DOCK5: variants seen among roughly 807,000 people sequenced by gnomAD.
DOCK5 encodes dedicator of cytokinesis 5.
DOCK5 carries 142 observed loss-of-function variants against 251.8 expected under a neutral mutation model. That is an observed-to-expected ratio of 0.56 (90% CI 0.49 to 0.65). The LOEUF is 0.65. Ranked by LOEUF, DOCK5 falls within the 30% of genes least tolerant of loss-of-function variation. The probability of loss-of-function intolerance (pLI) is 0.00; values close to 1 mark genes in which losing one functional copy is unlikely to be tolerated. For synonymous variants in DOCK5, 842 were observed against 835.5 expected, an observed-to-expected ratio of 1.01 and a Z score of -0.13; for missense variants, 2,111 against 2,312.3, an observed-to-expected ratio of 0.91 and a Z score of 1.79.
chr8:25,197,550 C>G (rs1801759129), intron 1 of DOCK5, among the ~76,000 whole-genome samples: 1 of 149,360 alleles, frequency 6.7e-6, no homozygotes, highest in African/African-American at 2.5e-5. Flanking sequence ...CAAAGATGCC[C>G]TCTCTTTAAG....
chr8:25,265,888 A>G (rs374801909), intron 2 of DOCK5, among the ~76,000 whole-genome samples: 1 of 151,766 alleles, frequency 6.6e-6, no homozygotes, highest in East Asian at 1.9e-4. Flanking sequence ...GGAATTAGCA[A>G]CTCTCTGTTA....
At position 25,377,287 on chromosome 8, in the gene DOCK5, G is replaced by A. The variant is rs201905488; in HGVS notation, c.3817-18G>A. The A allele has an allele frequency of 7.1e-5, 113 of 1,599,828 alleles. No homozygotes were observed. In the Middle Eastern group the frequency reaches 8.4e-4, roughly 12 times the overall value. ...ATATTTGTTGTATTAACCGTGTGTC[G>A]CTTTTCTTCCTTTTCAGTGGTCTGA... On this transcript the variant is annotated intron_variant, in intron 37 of 51. Transcript: ENST00000276440.
At chr8:25,218,457 T>G (rs551871020) in intron 1 of DOCK5, among the ~76,000 whole-genome samples, 1 of 152,308 alleles carries the variant, frequency 6.6e-6, no homozygotes, top group South Asian at 2.1e-4. Flanking sequence ...CCATAGTGCC[T>G]CTGTGTGGTG....
Position 25,326,929 on chromosome 8 carries a change from C to T in DOCK5, c.1903+1382C>T, listed in dbSNP as rs146604896. On this transcript the variant is annotated intron_variant, in intron 18 of 51. Transcript: ENST00000276440. ...GTATTTCAAAACATAGTGAAGGACA[C>T]GGTGAACTTTTTAACACTATATACA... is the stretch of plus-strand genomic sequence containing the variant. Among the ~76,000 whole-genome samples the T allele has an allele frequency of 2.1e-3, 314 of 152,272 alleles. 1 individual carries two copies. Among genetic ancestry groups the T allele is most frequent in the African/African-American group, 7.3e-3 (303 of 41,552 alleles).
At position 25,359,070 on chromosome 8, in the gene DOCK5, C is replaced by T; in HGVS notation, c.2949+9C>T. 1 of 1,610,894 alleles carries T rather than the reference C, an allele frequency of 6.2e-7. No individual in the cohort carries two copies. The highest frequency in any genetic ancestry group is 1.3e-5 in the African/African-American group (1 of 74,964). ...CCAGACAAGACATCATCGTAAGTTG[C>T]CTTTACTGGTCCTGGTAACCTGAAG... On this transcript the variant is annotated intron_variant, in intron 28 of 51. Coordinates refer to ENST00000276440, the MANE Select transcript of DOCK5 (RefSeq NM_024940.8).
intron 1 of DOCK5, among the ~76,000 whole-genome samples, chr8:25,207,034 G>A (rs552862295): frequency 3.3e-5 from 5 of 152,340 alleles, no homozygotes; most frequent in Admixed American, 2.6e-4. Flanking sequence ...GGCAATTTGA[G>A]TGAGTCTCTG....
At chr8:25,333,680 G>T (rs1805733849) in intron 20 of DOCK5, among the ~76,000 whole-genome samples, 1 of 152,210 alleles carries the variant, frequency 6.6e-6, no homozygotes, top group Non-Finnish European at 1.5e-5. Flanking sequence ...CTCTGGTGCA[G>T]TTGTTACTGG....
At chr8:25,284,797 C>CA (rs1804290636) in intron 5 of DOCK5, among the ~76,000 whole-genome samples, 2 of 152,196 alleles carry the variant, frequency 1.3e-5, no homozygotes, top group South Asian at 4.1e-4. Context: ...CATCTCAAGT[C>CA]AAAGGATCAT....
chr8:25,375,871 G>A (rs1382474923), intron 37 of DOCK5: 3 of 941,230 alleles, frequency 3.2e-6, no homozygotes, highest in Non-Finnish European at 3.8e-6. Context: ...GCTGAGGCCA[G>A]CAGATCACTT....
intron 25 of DOCK5, among the ~76,000 whole-genome samples, chr8:25,344,090 G>A (rs770189607): frequency 1.1e-4 from 16 of 152,290 alleles, no homozygotes; most frequent in African/African-American, 2.4e-4. Flanking sequence ...TTATAGGCAT[G>A]AGCCACTGCA....
Position 25,382,721 on chromosome 8 carries a change from T to C in DOCK5, c.4074T>C (p.Pro1358=). 1 of 1,613,740 alleles carries C rather than the reference T, an allele frequency of 6.2e-7. No homozygotes were observed. Among genetic ancestry groups the C allele is most frequent in the East Asian group, 2.2e-5 (1 of 44,878 alleles). Residue 1358 remains proline (P), a synonymous_variant, in exon 40 of 52, where the codon CCT becomes CCC. Coordinates refer to ENST00000276440, the MANE Select transcript of DOCK5 (RefSeq NM_024940.8). ...AGAACATCATTAAGGCAATGAGGCC[T>C]CAGCCTGAATACTTTGCTGTTGGAT... ...FYENIIKAMR[P]QPEYFAVGYY... is the part of the protein sequence containing the mutation.
chr8:25,343,701 C>G (rs1800306165), intron 25 of DOCK5, among the ~76,000 whole-genome samples: 2 of 152,242 alleles, frequency 1.3e-5, no homozygotes, highest in African/African-American at 4.8e-5. Context: ...ACATGCATCC[C>G]TTCTCAACCC....
chr8:25,302,569 A>G (rs2709637), intron 10 of DOCK5, 115 bp downstream of exon 10: 1,086,710 of 1,345,914 alleles, frequency 0.81, 443,253 homozygotes, highest in Non-Finnish European at 0.84. Flanking sequence ...GCCCTGCTTC[A>G]AAACAATCAA....
chr8:25,392,028 G>T, intron 43 of DOCK5, 48 bp downstream of exon 43: 1 of 1,566,798 alleles, frequency 6.4e-7, no homozygotes. Flanking sequence ...AACGGGCTGA[G>T]CACGGTGGCT....
intron 1 of DOCK5, among the ~76,000 whole-genome samples, chr8:25,213,276 C>G (rs1217841773): frequency 6.6e-6 from 1 of 150,532 alleles, no homozygotes; most frequent in African/African-American, 2.5e-5. Context: ...TCTCCGGGGT[C>G]TCTCTGATGT....
intron 31 of DOCK5, among the ~76,000 whole-genome samples, 190 bp from the exon 32 acceptor site, chr8:25,368,002 C>T (rs1056420160): frequency 6.6e-6 from 1 of 152,160 alleles, no homozygotes; most frequent in Non-Finnish European, 1.5e-5. Flanking sequence ...TTTATTGCGG[C>T]ACAAGGTCCC....
At chr8:25,234,247 A>C (rs748117420) in intron 1 of DOCK5, among the ~76,000 whole-genome samples, 26 of 152,238 alleles carry the variant, frequency 1.7e-4, no homozygotes, top group Non-Finnish European at 2.4e-4. Flanking sequence ...TAGATTCCAC[A>C]GTAACCTCTG....
At chr8:25,366,261 C>G (rs558232211) in intron 30 of DOCK5, among the ~76,000 whole-genome samples, 1 of 152,148 alleles carries the variant, frequency 6.6e-6, no homozygotes, top group African/African-American at 2.4e-5. Flanking sequence ...GAGGCCAAGG[C>G]GGGCAGATCA....
chr8:25,341,860 C>A, intron 24 of DOCK5, 51 bp downstream of exon 24: 1 of 1,452,430 alleles, frequency 6.9e-7, no homozygotes, highest in African/African-American at 1.4e-5. Context: ...AAACAGCTCC[C>A]CTGCTTGGCT....
Sources: gnomAD v4.1 joint callset for allele counts (sites outside exome capture counted in the v4.1 genomes callset) on GRCh38, gnomAD v4.1.1 for gene constraint, MANE v1.5 for transcripts, NCBI Gene and HGNC (gene_info 2026-07-23, HGNC 2026-07-21) for gene names.